The following NTNG1 variants were observed in gnomAD, a reference collection of about 807,000 sequenced individuals.
The protein encoded by NTNG1 is netrin G1.
Under a neutral mutation model 54.0 loss-of-function variants are expected in NTNG1, and 16 were observed. The observed-to-expected ratio is 0.30, with a 90% CI of 0.20 to 0.45. NTNG1 has a LOEUF of 0.45. NTNG1 is among the 20% of genes least tolerant of loss of function. NTNG1 has a pLI of 1.00. For synonymous variants in NTNG1, 255 were observed against 263.1 expected, an observed-to-expected ratio of 0.97 and a Z score of 0.30; for missense variants, 530 against 678.7, an observed-to-expected ratio of 0.78 and a Z score of 2.43.
chr1:107,375,324 C>T (rs1375381227), intron 3 of NTNG1, among the ~76,000 whole-genome samples: 1 of 152,186 alleles, frequency 6.6e-6, no homozygotes, highest in Non-Finnish European at 1.5e-5. Context: ...GGACTCATCT[C>T]ATTTGTTTTC....
At chr1:107,171,924 T>G (rs1656275166) in intron 2 of NTNG1, among the ~76,000 whole-genome samples, 1 of 152,136 alleles carries the variant, frequency 6.6e-6, no homozygotes, top group Non-Finnish European at 1.5e-5. Flanking sequence ...TGGTTTTTTA[T>G]TTTTTATTTT....
At chr1:107,318,978 G>C (rs1308048250) in intron 2 of NTNG1, among the ~76,000 whole-genome samples, 1 of 152,072 alleles carries the variant, frequency 6.6e-6, no homozygotes, top group Non-Finnish European at 1.5e-5. Flanking sequence ...TGGTCATCAG[G>C]GCTTGTTAGT....
At chr1:107,354,614 A>T (rs1481577020) in intron 3 of NTNG1, among the ~76,000 whole-genome samples, 3 of 152,068 alleles carry the variant, frequency 2.0e-5, no homozygotes, top group Non-Finnish European at 2.9e-5. Flanking sequence ...CTACATGGGG[A>T]TCATCAAAAT....
At chr1:107,378,540 G>A (rs1289123562) in intron 3 of NTNG1, among the ~76,000 whole-genome samples, 2 of 152,210 alleles carry the variant, frequency 1.3e-5, no homozygotes, top group Non-Finnish European at 2.9e-5. Flanking sequence ...GCCTTGGAAT[G>A]CAGAGTCACA....
At chr1:107,384,541 T>G (rs12048014) in intron 3 of NTNG1, among the ~76,000 whole-genome samples, 98,463 of 151,992 alleles carry the variant, frequency 0.65, 32,673 homozygotes, top group Middle Eastern at 0.84. Flanking sequence ...CATAGCAGTC[T>G]ATTTCTCTGT....
intron 3 of NTNG1, among the ~76,000 whole-genome samples, chr1:107,386,578 T>C (rs1450774994): frequency 6.6e-6 from 1 of 152,204 alleles, no homozygotes; most frequent in Non-Finnish European, 1.5e-5. Flanking sequence ...TCATTCTTTT[T>C]TATGGCAGAA....
At chr1:107,267,061 G>A (rs6671081) in intron 2 of NTNG1, among the ~76,000 whole-genome samples, 95,243 of 152,028 alleles carry the variant, frequency 0.63, 33,068 homozygotes, top group Non-Finnish European at 0.78. Flanking sequence ...TACAAAAAAT[G>A]TCAAGAATAT....
chr1:107,160,896 A>G (rs1226291739), intron 2 of NTNG1, among the ~76,000 whole-genome samples: 2 of 152,106 alleles, frequency 1.3e-5, no homozygotes, highest in Admixed American at 6.6e-5. Context: ...TGACCACCCT[A>G]TTGAAATGCA....
At chr1:107,329,803 ATG>A (rs1216346588) in intron 3 of NTNG1, among the ~76,000 whole-genome samples, 1 of 151,990 alleles carries the variant, frequency 6.6e-6, no homozygotes, top group Non-Finnish European at 1.5e-5. Context: ...TCTGGGACAG[ATG>A]CTGGCTTTGA....
chr1:107,140,809 AT>A (rs1653602294), upstream of NTNG1: 1 of 152,088 alleles, frequency 6.6e-6, no homozygotes, highest in Non-Finnish European at 1.5e-5. Flanking sequence ...AAAAGAAAAA[AT>A]ATCCCTCAGT....
chr1:107,277,844 C>T (rs1189738229), intron 2 of NTNG1, among the ~76,000 whole-genome samples: 1 of 152,130 alleles, frequency 6.6e-6, no homozygotes, highest in Non-Finnish European at 1.5e-5. Context: ...TTCTAAATTC[C>T]AAAAGGCTTT....
At chr1:107,273,910 TCTC>T (rs764827892) in intron 2 of NTNG1, among the ~76,000 whole-genome samples, 2 of 152,018 alleles carry the variant, frequency 1.3e-5, no homozygotes, top group Non-Finnish European at 2.9e-5. Flanking sequence ...AATATCTTCT[TCTC>T]TTCTGAATTA....
intron 7 of NTNG1, among the ~76,000 whole-genome samples, chr1:107,444,963 A>T (rs1327597507): frequency 6.6e-6 from 1 of 152,098 alleles, no homozygotes; most frequent in Non-Finnish European, 1.5e-5. Context: ...TGTAAGAAAA[A>T]ATTTCAAAAT....
chr1:107,214,773 A>T (rs1361504659), intron 2 of NTNG1, among the ~76,000 whole-genome samples: 2 of 139,836 alleles, frequency 1.4e-5, no homozygotes, highest in Admixed American at 1.5e-4. Flanking sequence ...TTTCCTTTTC[A>T]CCACATCCAT....
At chr1:107,255,370 A>G (rs1662865407) in intron 2 of NTNG1, among the ~76,000 whole-genome samples, 2 of 152,202 alleles carry the variant, frequency 1.3e-5, no homozygotes, top group South Asian at 2.1e-4. Flanking sequence ...GAGCATAGGT[A>G]TTAGGACAGT....
intron 7 of NTNG1, 108 bp from the exon 8 acceptor site, chr1:107,480,503 T>TTAA: frequency 1.4e-6 from 1 of 697,730 alleles, no homozygotes; most frequent in Non-Finnish European, 2.4e-6. Flanking sequence ...CAAAGATCGA[T>TTAA]AGAGATTTTT....
chr1:107,432,318 G>A (rs1015389701), intron 6 of NTNG1, among the ~76,000 whole-genome samples: 2 of 152,132 alleles, frequency 1.3e-5, no homozygotes, highest in African/African-American at 4.8e-5. Flanking sequence ...TACACTAATT[G>A]TTTCCCCTGT....
At chr1:107,366,476 C>G (rs1670600423) in intron 3 of NTNG1, among the ~76,000 whole-genome samples, 1 of 152,186 alleles carries the variant, frequency 6.6e-6, no homozygotes, top group African/African-American at 2.4e-5. Flanking sequence ...CTAAAATTAA[C>G]TTTAGAACAA....
intron 6 of NTNG1, among the ~76,000 whole-genome samples, chr1:107,431,672 C>T (rs994551227): frequency 5.3e-5 from 8 of 152,076 alleles, no homozygotes; most frequent in Non-Finnish European, 8.8e-5. Context: ...ATAGTGAAAC[C>T]TGTCTTTAAG....
Sources: allele counts gnomAD v4.1 joint callset (sites outside exome capture counted in the v4.1 genomes callset), GRCh38; gene constraint gnomAD v4.1.1; transcripts MANE v1.5; gene names NCBI Gene and HGNC (gene_info 2026-07-23, HGNC 2026-07-21).